The following COMMD10 variants were observed in gnomAD, a reference collection of about 807,000 sequenced individuals.
The protein encoded by COMMD10 is COMM domain-containing protein 10.
COMMD10 carries 33 observed loss-of-function variants against 28.9 expected under a neutral mutation model. That is an observed-to-expected ratio of 1.14 (90% CI 0.87 to 1.53). The LOEUF is 1.53. Ranked by LOEUF, COMMD10 falls within the 40% of genes most tolerant of loss-of-function variation. COMMD10 has a pLI of 0.00. For missense variants in COMMD10, 310 were observed against 233.4 expected (o/e 1.33, Z -2.14); for synonymous variants, 110 against 81.7 (o/e 1.35, Z -1.87).
chr5:116,268,429 A>G (rs867842360), intron 5 of COMMD10, among the ~76,000 whole-genome samples: 3 of 151,924 alleles, frequency 2.0e-5, no homozygotes, highest in Non-Finnish European at 2.9e-5. Flanking sequence ...TAGAATGGCA[A>G]TCATTAAAAA....
At chr5:116,271,277 T>C (rs1211989344) in intron 5 of COMMD10, among the ~76,000 whole-genome samples, 2 of 147,456 alleles carry the variant, frequency 1.4e-5, no homozygotes, top group Non-Finnish European at 1.5e-5. Flanking sequence ...CATTTTTATC[T>C]TTTTAAATTT....
intron 5 of COMMD10, among the ~76,000 whole-genome samples, chr5:116,153,386 T>TCA (rs1394628993): frequency 6.6e-6 from 1 of 152,054 alleles, no homozygotes; most frequent in Non-Finnish European, 1.5e-5. Flanking sequence ...CCTCATTGTT[T>TCA]CTTCTGTGGA....
At chr5:116,243,752 C>T (rs1229745450) in intron 5 of COMMD10, among the ~76,000 whole-genome samples, 1 of 152,156 alleles carries the variant, frequency 6.6e-6, no homozygotes, top group Non-Finnish European at 1.5e-5. Context: ...ATCAGCTTGA[C>T]CTTATTTCAG....
At chr5:116,086,457 C>G (rs1292506856) in intron 1 of COMMD10, among the ~76,000 whole-genome samples, 3 of 107,954 alleles carry the variant, frequency 2.8e-5, no homozygotes, top group Non-Finnish European at 7.5e-5. Flanking sequence ...GGGCTAATCT[C>G]TCTCTCTTTT....
At position 116,285,272 on chromosome 5, in the gene COMMD10, A is replaced by G. The variant is rs573011506; in HGVS notation, c.511-6245A>G. 6.6e-5 allele frequency among the ~76,000 whole-genome samples: 10 copies of G among 152,096 alleles called. No homozygotes were observed. In the South Asian group the frequency reaches 1.9e-3, roughly 28 times the overall value. ...CTCTATACTCCTTACTTGATAAGAT[A>G]ACTTCTTGATATCTTGGAAAGACAG... On this transcript the variant is annotated intron_variant, in intron 5 of 6. Transcript: ENST00000274458.
At chr5:116,260,979 G>C (rs1403522452) in intron 5 of COMMD10, among the ~76,000 whole-genome samples, 1 of 151,682 alleles carries the variant, frequency 6.6e-6, no homozygotes, top group Non-Finnish European at 1.5e-5. Context: ...TGTGCGATTG[G>C]TTTTGTATGC....
intron 5 of COMMD10, among the ~76,000 whole-genome samples, chr5:116,168,423 A>G (rs899904118): frequency 1.3e-5 from 2 of 152,144 alleles, no homozygotes; most frequent in African/African-American, 4.8e-5. Context: ...TATTAGATCA[A>G]TGGGACAAAA....
chr5:116,150,874 G>C (rs1366264541), intron 5 of COMMD10, among the ~76,000 whole-genome samples: 1 of 149,142 alleles, frequency 6.7e-6, no homozygotes, highest in East Asian at 2.0e-4. Context: ...AATTGCCCTG[G>C]CCAGAACTTC....
intron 5 of COMMD10, among the ~76,000 whole-genome samples, chr5:116,231,291 T>G (rs1749522066): frequency 6.6e-6 from 1 of 152,188 alleles, no homozygotes; most frequent in Non-Finnish European, 1.5e-5. Flanking sequence ...TGTAGCAGTT[T>G]TTAATAATAT....
chr5:116,222,041 A>G (rs1447536605), intron 5 of COMMD10, among the ~76,000 whole-genome samples: 1 of 152,184 alleles, frequency 6.6e-6, no homozygotes, highest in African/African-American at 2.4e-5. Flanking sequence ...AGCAGATAAT[A>G]CTGATAAGTG....
intron 5 of COMMD10, among the ~76,000 whole-genome samples, chr5:116,154,113 C>G (rs1006518560): frequency 6.6e-6 from 1 of 152,068 alleles, no homozygotes; most frequent in African/African-American, 2.4e-5. Flanking sequence ...TTCCCAGCCA[C>G]CCAGCCTCAA....
At chr5:116,184,350 G>A (rs1282455497) in intron 5 of COMMD10, among the ~76,000 whole-genome samples, 2 of 146,294 alleles carry the variant, frequency 1.4e-5, no homozygotes, top group Non-Finnish European at 3.0e-5. Flanking sequence ...ATTAAAATCA[G>A]CTTTACTCTA....
chr5:116,110,334 T>G (rs1417826878), intron 4 of COMMD10, among the ~76,000 whole-genome samples: 2 of 152,216 alleles, frequency 1.3e-5, no homozygotes, highest in Non-Finnish European at 2.9e-5. Context: ...TAGTTTTCTT[T>G]ATTCGTTGTG....
In COMMD10 at chr5:116,219,131, T is replaced by G. The variant is rs184108190; in HGVS notation, c.511-72386T>G. On this transcript the variant is annotated intron_variant, in intron 5 of 6. Transcript: ENST00000274458. Reference sequence around the variant, plus strand: ...GGGAAGCCACAGGAGAAACCAGCCCTGCGGACAACTTGATCTTGGACTTTC... The same window carrying G: ...GGGAAGCCACAGGAGAAACCAGCCCGGCGGACAACTTGATCTTGGACTTTC... Among the ~76,000 whole-genome samples the G allele has an allele frequency of 9.7e-4, 147 of 152,264 alleles. 1 individual carries two copies. The highest frequency in any genetic ancestry group is 3.4e-3 in the African/African-American group (143 of 41,554).
At position 116,293,209 on chromosome 5, in the gene COMMD10, T is replaced by C. The variant is rs2112720522; in HGVS notation, c.*720T>C. On this transcript the variant is annotated 3_prime_UTR_variant, in exon 7 of 7. Coordinates refer to ENST00000274458, the MANE Select transcript of COMMD10 (RefSeq NM_016144.4). ...TGTAATGAGTGCTAAATGGGCACCATTATTCGAATCAGATACCTTTTATAT... is the reference window on the plus strand; with the variant it reads ...TGTAATGAGTGCTAAATGGGCACCACTATTCGAATCAGATACCTTTTATAT... The C allele has an allele frequency of 2.6e-6, 1 of 386,418 alleles. No individual in the cohort carries two copies. Among genetic ancestry groups the C allele is most frequent in the South Asian group, 1.4e-4 (1 of 6,948 alleles). 23.9% of individuals were successfully genotyped at this position (386,418 alleles called of 1,614,324 possible).
Position 116,157,084 on chromosome 5 carries a change from G to T in COMMD10, c.510+22906G>T, listed in dbSNP as rs1021195902. Among the ~76,000 whole-genome samples, 6 of 152,094 alleles carry T rather than the reference G, an allele frequency of 3.9e-5. No homozygotes were observed. In the South Asian group the frequency reaches 6.2e-4, roughly 16 times the overall value. ...GGGAACACAATTTTGCCGATTTTTT[G>T]TTGCTACATATCAGAAGTTCCTATT... On this transcript the variant is annotated intron_variant, in intron 5 of 6. Coordinates refer to ENST00000274458, the MANE Select transcript of COMMD10 (RefSeq NM_016144.4).
chr5:116,139,252 C>T (rs948312814), intron 5 of COMMD10, among the ~76,000 whole-genome samples: 3 of 151,660 alleles, frequency 2.0e-5, no homozygotes, highest in African/African-American at 7.2e-5. Context: ...AACAATTTTA[C>T]ATTTTTAGTC....
chr5:116,163,554 G>C (rs947426308), intron 5 of COMMD10, among the ~76,000 whole-genome samples: 1 of 151,526 alleles, frequency 6.6e-6, no homozygotes, highest in African/African-American at 2.4e-5. Context: ...GCACCATCGC[G>C]CTCCAGCCTG....
rs1374623403 is a variant in COMMD10, at chr5:116,247,067, T to A, written c.511-44450T>A. 1.3e-5 allele frequency among the ~76,000 whole-genome samples: 2 copies of A among 151,524 alleles called. 1 individual carries two copies. The highest frequency in any genetic ancestry group is 3.9e-4 in the East Asian group (2 of 5,178). On this transcript the variant is annotated intron_variant, in intron 5 of 6. Transcript: ENST00000274458. ...AGAATGGGAGAAAATCTTTGCAAAC[T>A]TTGCATCCAACAAAGGTCTAATATC...
Sources: allele counts gnomAD v4.1 joint callset (sites outside exome capture counted in the v4.1 genomes callset), GRCh38; gene constraint gnomAD v4.1.1; transcripts MANE v1.5; gene names NCBI Gene and HGNC (gene_info 2026-07-23, HGNC 2026-07-21).